Variants in CHIA observed in about 807,000 individuals in gnomAD.
CHIA encodes acidic mammalian chitinase.
CHIA carries 47 observed loss-of-function variants against 53.5 expected under a neutral mutation model. The ratio of observed to expected loss-of-function variants is 0.88; its 90% CI spans 0.70 to 1.12. The LOEUF is 1.12. Among genes scored for constraint, CHIA ranks in the 50% most tolerant of loss-of-function variants. The pLI is 0.00. For synonymous variants in CHIA, 268 were observed against 222.2 expected (o/e 1.21, Z -1.83); for missense variants, 652 against 592.2 (o/e 1.10, Z -1.05).
chr1:111,303,468 TAC>T (rs1383292984), intron 1 of CHIA, among the ~76,000 whole-genome samples: 2 of 152,006 alleles, frequency 1.3e-5, no homozygotes, highest in Non-Finnish European at 2.9e-5. Context: ...CATATATACA[TAC>T]ACACATATAT....
At chr1:111,291,407 G>A (rs886317544) in intron 1 of CHIA, among the ~76,000 whole-genome samples, 2 of 152,062 alleles carry the variant, frequency 1.3e-5, no homozygotes, top group African/African-American at 4.8e-5. Context: ...AACTAACACA[G>A]AAACAGAAAA....
intron 3 of CHIA, 78 bp from the exon 4 acceptor site, chr1:111,312,112 A>T: frequency 8.6e-7 from 1 of 1,167,422 alleles, no homozygotes; most frequent in South Asian, 1.2e-5. Context: ...GGAGGGAAAC[A>T]GAGGCAAGGC....
intron 5 of CHIA, 94 bp downstream of exon 5, chr1:111,314,690 C>A: frequency 1.2e-6 from 1 of 855,450 alleles, no homozygotes; most frequent in Non-Finnish European, 2.0e-6. Context: ...CAATCTAAGA[C>A]AGGGTATTGA....
intron 1 of CHIA, among the ~76,000 whole-genome samples, chr1:111,299,039 A>G (rs1029301044): frequency 1.3e-5 from 2 of 152,204 alleles, no homozygotes; most frequent in Non-Finnish European, 2.9e-5. Context: ...CTAAACCAGG[A>G]AGAAGTGGAA....
intron 1 of CHIA, among the ~76,000 whole-genome samples, chr1:111,299,243 C>A (rs1647494226): frequency 6.6e-6 from 1 of 152,180 alleles, no homozygotes; most frequent in Non-Finnish European, 1.5e-5. Flanking sequence ...TTTTATGGGG[C>A]CAACATCATC....
At chr1:111,311,584 G>A in intron 2 of CHIA, 105 bp from the exon 3 acceptor site, 3 of 1,293,438 alleles carry the variant, frequency 2.3e-6, no homozygotes, top group South Asian at 1.2e-5. Context: ...TCTCACTGAG[G>A]TTGTAACAAT....
At position 111,315,373 on chromosome 1, in the gene CHIA, G is replaced by T. The variant is rs1649071854; in HGVS notation, c.418G>T (p.Glu140Ter). The change falls in exon 6 of 12, where the codon GAG (glutamate) becomes TAG (stop). Residue 140 changes from glutamate (E) to a stop codon, truncating the protein, a stop_gained. Transcript: ENST00000369740. LOFTEE classifies it high-confidence loss of function. ...GTTTGACGGGCTGGACTTTGACTGG[G>T]AGTACCCTGGCTCTCGTGGGAGCCC... The part of the protein sequence containing the change: ...YEFDGLDFDW[E>*]YPGSRGSPPQ... The T allele has an allele frequency of 1.9e-6, 3 of 1,614,100 alleles. No homozygotes were observed. The highest frequency in any genetic ancestry group is 2.7e-5 in the African/African-American group (2 of 75,032).
chr1:111,309,137 T>G (rs1648463427), intron 1 of CHIA, among the ~76,000 whole-genome samples: 1 of 152,224 alleles, frequency 6.6e-6, no homozygotes, highest in South Asian at 2.1e-4. Flanking sequence ...TGTTTACCTA[T>G]GTAACAAACC....
chr1:111,318,194 T>G (rs966895042), intron 8 of CHIA, 85 bp downstream of exon 8: 2 of 1,320,424 alleles, frequency 1.5e-6, no homozygotes, highest in African/African-American at 3.0e-5. Context: ...CATCATAAGT[T>G]TAGTGGTTTT....
chr1:111,313,873 G>T (rs947582970), intron 4 of CHIA, among the ~76,000 whole-genome samples: 1 of 152,144 alleles, frequency 6.6e-6, no homozygotes, highest in Admixed American at 6.5e-5. Context: ...ATCAGTAATG[G>T]CATTATCGTG....
At position 111,314,614 on chromosome 1, in the gene CHIA, A is replaced by G; in HGVS notation, c.314+18A>G. The G allele has an allele frequency of 6.2e-7, 1 of 1,603,840 alleles. No individual in the cohort carries two copies. The highest frequency in any genetic ancestry group is 8.5e-7 in the Non-Finnish European group (1 of 1,170,876). On this transcript the variant is annotated intron_variant, in intron 5 of 11. Coordinates refer to ENST00000369740, the MANE Select transcript of CHIA (RefSeq NM_201653.4). ...ACTGCCCCGTAAGTCTTCTATGGAGAGCATGTTGTTCGTTTGCTATGGAAA... is the reference window on the plus strand; with the variant it reads ...ACTGCCCCGTAAGTCTTCTATGGAGGGCATGTTGTTCGTTTGCTATGGAAA...
In CHIA at chr1:111,312,342, G is replaced by T. The variant is rs752677743; in HGVS notation, c.208G>T (p.Glu70Ter). 6.2e-7 allele frequency: 1 copy of T among 1,614,090 alleles called. No individual in the cohort carries two copies. The highest frequency in any genetic ancestry group is 1.1e-5 in the South Asian group (1 of 91,078). The change falls in exon 4 of 12, where the codon GAA becomes TAA. Residue 70 changes from glutamate (E) to a stop codon, truncating the protein, a stop_gained. Transcript: ENST00000369740. LOFTEE classifies it high-confidence loss of function. ...GRQNNEITTIEWNDVTLYQAF... is the reference protein window; with the variant it reads ...GRQNNEITTI The stretch of plus-strand genomic sequence containing the variant: ...GCAGAACAACGAGATCACCACCATC[G>T]AATGGAATGATGTGACTCTCTACCA...
rs371199269 is a variant in CHIA at position 111,296,789 on chromosome 1, C to T, written c.-69+5839C>T. Among the ~76,000 whole-genome samples the T allele has an allele frequency of 3.4e-4, 52 of 152,216 alleles. 1 individual carries two copies. Among genetic ancestry groups the T allele is most frequent in the Middle Eastern group, 6.8e-3 (2 of 292 alleles). On this transcript the variant is annotated intron_variant, in intron 1 of 11. Transcript: ENST00000369740. ...AACAAACTTATCCAAGCTAAATGAG[C>T]ATGTTTGAACCCATCACAAGGAAGC...
chr1:111,317,458 T>A, intron 6 of CHIA: 1 of 453,010 alleles, frequency 2.2e-6, no homozygotes, highest in South Asian at 2.5e-5. Context: ...AGTGTGGGAC[T>A]TTGGTGAAGT....
At position 111,319,485 on chromosome 1, in the gene CHIA, G is replaced by GA. The variant is rs1346713909; in HGVS notation, c.1177+19dup. The GA allele has an allele frequency of 6.2e-6, 10 of 1,612,238 alleles. No individual in the cohort carries two copies. The Admixed American group carries it at 1.0e-4, about 16-fold the overall frequency. On this transcript the variant is annotated intron_variant, in intron 11 of 11. Coordinates refer to ENST00000369740, the MANE Select transcript of CHIA (RefSeq NM_201653.4). ...AGAGTGCAAGTAAGTGACTGAGGGG[G>GA]AATGCCCAGGTGTATAAATACCCCT...
chr1:111,307,786 C>T (rs563901513), intron 1 of CHIA, among the ~76,000 whole-genome samples: 1 of 152,074 alleles, frequency 6.6e-6, no homozygotes, highest in Non-Finnish European at 1.5e-5. Context: ...AGATTACAGG[C>T]ACCTGCCACC....
intron 4 of CHIA, among the ~76,000 whole-genome samples, chr1:111,313,284 T>C (rs572977728): frequency 2.0e-5 from 3 of 152,276 alleles, no homozygotes; most frequent in African/African-American, 7.2e-5. Context: ...TGGGCAAGAG[T>C]TCCTTTTTTT....
chr1:111,314,886 GA>G, intron 5 of CHIA: 1 of 441,186 alleles, frequency 2.3e-6, no homozygotes, highest in Non-Finnish European at 4.0e-6. Flanking sequence ...AAACCCTGAG[GA>G]CAGTGTTATA....
In CHIA at chr1:111,320,320, T is replaced by C. The variant is rs781674786; in HGVS notation, c.1285T>C (p.Phe429Leu). ...SSGGSSGGSG[F>L]CAVRANGLYP... ...TGGAGGCAGCTCGGGAGGCAGTGGA[T>C]TCTGTGCTGTCAGAGCCAACGGCCT... Residue 429 changes from phenylalanine (F) to leucine (L), a missense_variant, in exon 12 of 12, where the codon TTC (phenylalanine) becomes CTC (leucine). By Grantham distance (22) the Phe-to-Leu change is conservative. Transcript: ENST00000369740. 1 of 1,614,208 alleles carries C rather than the reference T, an allele frequency of 6.2e-7. No homozygotes were observed. Among genetic ancestry groups the C allele is most frequent in the East Asian group, 2.2e-5 (1 of 44,876 alleles).
Sources: gnomAD v4.1 joint callset for allele counts (sites outside exome capture counted in the v4.1 genomes callset) on GRCh38, gnomAD v4.1.1 for gene constraint, MANE v1.5 for transcripts, NCBI Gene and HGNC (gene_info 2026-07-23, HGNC 2026-07-21) for gene names.